Variants in TP73 observed in about 807,000 individuals in gnomAD.
TP73 encodes the protein p53-like transcription factor.
In TP73, 25 loss-of-function variants were observed where a neutral mutation model predicts 62.5. The ratio of observed to expected loss-of-function variants is 0.40; its 90% CI spans 0.29 to 0.56. The LOEUF (loss-of-function observed/expected upper bound fraction) is 0.56. Ranked by LOEUF, TP73 falls within the 20% of genes least tolerant of loss-of-function variation. TP73 has a pLI of 0.46. For missense variants in TP73, 754 were observed against 913.3 expected, an observed-to-expected ratio of 0.83 and a Z score of 2.25; for synonymous variants, 423 against 377.5, an observed-to-expected ratio of 1.12 and a Z score of -1.40.
chr1:3,706,936 C>G (rs1243195194), intron 3 of TP73, among the ~76,000 whole-genome samples: 1 of 152,132 alleles, frequency 6.6e-6, no homozygotes, highest in African/African-American at 2.4e-5. Context: ...GGGGTGAGGC[C>G]GTTCACCGAG....
At position 3,727,107 on chromosome 1, in the gene TP73, A is replaced by G. The variant is rs1239520240; in HGVS notation, c.733-8A>G. The G allele has an allele frequency of 1.2e-6, 2 of 1,609,082 alleles. No homozygotes were observed. The highest frequency in any genetic ancestry group is 1.7e-5 in the Admixed American group (1 of 59,802). The stretch of plus-strand genomic sequence containing the variant: ...TGCTAGCCCCTCTCCCTGCTCCCCC[A>G]TGTGCAGGTGGGGACGGAATTCACC... On this transcript the variant is annotated splice_region_variant and splice_polypyrimidine_tract_variant and intron_variant, in intron 6 of 13. Transcript: ENST00000378295.
intron 3 of TP73, among the ~76,000 whole-genome samples, chr1:3,695,508 C>A (rs191841345): frequency 6.6e-6 from 1 of 152,196 alleles, no homozygotes; most frequent in Non-Finnish European, 1.5e-5. Flanking sequence ...CCATGCGTTG[C>A]GGGAACGTGG....
chr1:3,697,903 G>A (rs1379276872), intron 3 of TP73: 1 of 171,494 alleles, frequency 5.8e-6, no homozygotes, highest in Admixed American at 6.5e-5. Flanking sequence ...CTCCACCTTT[G>A]GGCTCCTGCT....
In TP73 at chr1:3,680,973, C is replaced by T. The variant is rs540204619; in HGVS notation, c.-33-1360C>T. Among the ~76,000 whole-genome samples, 25 of 152,374 alleles carry T rather than the reference C, an allele frequency of 1.6e-4. 1 individual carries two copies. The East Asian group carries it at 4.8e-3, about 29-fold the overall frequency. On this transcript the variant is annotated intron_variant, in intron 1 of 13. Coordinates refer to ENST00000378295, the MANE Select transcript of TP73 (RefSeq NM_005427.4). ...GTGTGACCTCACACAAGTCACTTAA[C>T]CCCTCTGAGCCTTGGGGCTCCTGAA... is the stretch of plus-strand genomic sequence containing the variant.
Position 3,696,858 on chromosome 1 carries a change from G to A in TP73, c.187-10691G>A, listed in dbSNP as rs1409440815. Among the ~76,000 whole-genome samples, 12 of 152,242 alleles carry A rather than the reference G, an allele frequency of 7.9e-5. No individual in the cohort carries two copies. Among genetic ancestry groups the A allele is most frequent in the South Asian group, 2.1e-4 (1 of 4,828 alleles). On this transcript the variant is annotated intron_variant, in intron 3 of 13. Coordinates refer to ENST00000378295, the MANE Select transcript of TP73 (RefSeq NM_005427.4). The surrounding 1 kb of genome is among the most constrained non-coding windows in gnomAD (Gnocchi z 4.1). The stretch of plus-strand genomic sequence containing the variant: ...ATCAGAGGAGCCACCCCACTCACCC[G>A]CCTGCTGTGCCTAGTGCACGCCCGC...
In TP73 at chr1:3,670,909, G is replaced by T. The variant is rs1645225808; in HGVS notation, c.-33-11424G>T. ...GGGCTGCAGCGCAGAGAGCAGTCAG[G>T]GCTTGGTGGTCTGGCCCGCAAAGAG... On this transcript the variant is annotated intron_variant, in intron 1 of 13. Coordinates refer to ENST00000378295, the MANE Select transcript of TP73 (RefSeq NM_005427.4). The surrounding 1 kb of genome is among the most constrained non-coding windows in gnomAD (Gnocchi z 5.9). 6.6e-6 allele frequency among the ~76,000 whole-genome samples: 1 copy of T among 152,174 alleles called. No homozygotes were observed. The highest frequency in any genetic ancestry group is 2.4e-5 in the African/African-American group (1 of 41,454).
intron 9 of TP73, 71 bp downstream of exon 9, chr1:3,728,288 G>A (rs999397434): frequency 2.6e-6 from 4 of 1,513,652 alleles, no homozygotes; most frequent in Non-Finnish European, 3.6e-6. Flanking sequence ...CCCAGGCTGG[G>A]CCATGGGGAG....
At position 3,670,692 on chromosome 1, in the gene TP73, A is replaced by G. The variant is rs1214939995; in HGVS notation, c.-33-11641A>G. 1.3e-5 allele frequency among the ~76,000 whole-genome samples: 2 copies of G among 152,154 alleles called. No individual in the cohort carries two copies. The highest frequency in any genetic ancestry group is 4.8e-5 in the African/African-American group (2 of 41,424). On this transcript the variant is annotated intron_variant, in intron 1 of 13. Coordinates refer to ENST00000378295, the MANE Select transcript of TP73 (RefSeq NM_005427.4). This position sits in a 1 kb window ranked among gnomAD's most constrained non-coding sequence, Gnocchi z 5.9. The stretch of plus-strand genomic sequence containing the variant: ...AAAAAAATAAAATAAAATAAAAAAG[A>G]TAGGAAAAGAAAAAGAAAAAGTGAG...
chr1:3,710,268 G>A (rs985734728), intron 4 of TP73, among the ~76,000 whole-genome samples: 3 of 152,046 alleles, frequency 2.0e-5, no homozygotes, highest in Non-Finnish European at 2.9e-5. Flanking sequence ...CTCCTCCTCC[G>A]AAGCCCTGTG....
At chr1:3,655,628 G>A (rs2101992822) in intron 1 of TP73, among the ~76,000 whole-genome samples, 1 of 152,294 alleles carries the variant, frequency 6.6e-6, no homozygotes, top group East Asian at 1.9e-4. Flanking sequence ...TGTGGTGAAA[G>A]TTTTCTAAAT....
rs968693440 is a variant in TP73, at chr1:3,670,338, T to C, written c.-33-11995T>C. 2.6e-5 allele frequency among the ~76,000 whole-genome samples: 4 copies of C among 152,022 alleles called. No individual in the cohort carries two copies. The highest frequency in any genetic ancestry group is 5.9e-5 in the Non-Finnish European group (4 of 67,990). On this transcript the variant is annotated intron_variant, in intron 1 of 13. Coordinates refer to ENST00000378295, the MANE Select transcript of TP73 (RefSeq NM_005427.4). The surrounding 1 kb of genome is among the most constrained non-coding windows in gnomAD (Gnocchi z 5.9). ...CTGAACTCAAGACTCAAGAGCCCCA[T>C]GTCCAGGTGGGGATGTACAGGAGCC...
chr1:3,661,793 A>ACGC (rs1644995437), intron 1 of TP73, among the ~76,000 whole-genome samples: 2 of 147,916 alleles, frequency 1.4e-5, no homozygotes, highest in Admixed American at 1.4e-4. Flanking sequence ...ATATATATAC[A>ACGC]TACACTATAT....
chr1:3,699,764 A>G lies in TP73; in HGVS notation c.187-7785A>G, dbSNP rs1638996919. Among the ~76,000 whole-genome samples, 1 of 152,174 alleles carries G rather than the reference A, an allele frequency of 6.6e-6. No homozygotes were observed. Among genetic ancestry groups the G allele is most frequent in the Non-Finnish European group, 1.5e-5 (1 of 68,004 alleles). The stretch of plus-strand genomic sequence containing the variant: ...CGGGGGCAGGAGCTGGAGAGGTGAC[A>G]GGAGCGAGGGAGGCGGAGGTGGAGC... On this transcript the variant is annotated intron_variant, in intron 3 of 13. Transcript: ENST00000378295. This position sits in a 1 kb window ranked among gnomAD's most constrained non-coding sequence, Gnocchi z 4.1.
chr1:3,669,149 G>C (rs970245347), intron 1 of TP73, among the ~76,000 whole-genome samples: 1 of 152,262 alleles, frequency 6.6e-6, no homozygotes, highest in Non-Finnish European at 1.5e-5. Context: ...CGACCCTCCG[G>C]GGCCCAGGCT....
At chr1:3,715,293 G>C (rs570811312) in intron 4 of TP73, among the ~76,000 whole-genome samples, 63 of 152,232 alleles carry the variant, frequency 4.1e-4, no homozygotes, top group African/African-American at 1.3e-3. Context: ...AACCCGGGGT[G>C]ACGCCTCTGC....
At chr1:3,698,747 G>T (rs1055542850) in intron 3 of TP73, among the ~76,000 whole-genome samples, 1 of 152,172 alleles carries the variant, frequency 6.6e-6, no homozygotes, top group Admixed American at 6.5e-5. Flanking sequence ...GGAGGCCCGG[G>T]GGGCACCAGG....
intron 1 of TP73, among the ~76,000 whole-genome samples, chr1:3,679,970 CCTGT>C (rs1387625943): frequency 6.7e-6 from 1 of 149,916 alleles, no homozygotes; most frequent in Middle Eastern, 3.2e-3. Flanking sequence ...TCTCTTTGTC[CCTGT>C]CTCTCTGTCT....
chr1:3,731,544 C>A lies in TP73; in HGVS notation c.1566C>A (p.Asn522Lys). ...QGLQSIYHLQNLTIEDLGALK... is the reference protein window; with the variant it reads ...QGLQSIYHLQKLTIEDLGALK... ...TACAGAGCATTTACCACCTGCAGAA[C>A]CTGACCATTGAGGTAACGCCCGGGT... is the stretch of plus-strand genomic sequence containing the variant. Residue 522 changes from asparagine (N) to lysine (K), a missense_variant, in exon 13 of 14, where the codon AAC (asparagine) becomes AAA (lysine). This residue lies in a region of TP73 where 458 missense variants were observed against 528.7 expected (regional missense o/e 0.87). Transcript: ENST00000378295. The A allele has an allele frequency of 6.2e-7, 1 of 1,613,820 alleles. No homozygotes were observed. Among genetic ancestry groups the A allele is most frequent in the South Asian group, 1.1e-5 (1 of 91,088 alleles).
intron 3 of TP73, among the ~76,000 whole-genome samples, chr1:3,683,818 G>A (rs1174545247): frequency 6.6e-6 from 1 of 152,226 alleles, no homozygotes; most frequent in Non-Finnish European, 1.5e-5. Flanking sequence ...CAGTGGAACA[G>A]GGTGACAATG....
Sources: allele counts gnomAD v4.1 joint callset (sites outside exome capture counted in the v4.1 genomes callset), GRCh38; gene constraint gnomAD v4.1.1; regional missense constraint gnomAD v4.1.1; non-coding constraint Gnocchi (gnomAD v3.1); transcripts MANE v1.5; gene names NCBI Gene and HGNC (gene_info 2026-07-23, HGNC 2026-07-21).